Variants in ATP2A2 observed in about 807,000 individuals in gnomAD.
ATP2A2 encodes sarcoplasmic/endoplasmic reticulum calcium ATPase 2.
Under a neutral mutation model 109.3 loss-of-function variants are expected in ATP2A2, and 14 were observed. That is an observed-to-expected ratio of 0.13 (90% CI 0.08 to 0.20). ATP2A2 has a LOEUF of 0.20. ATP2A2 is among the 10% of genes least tolerant of loss of function. The pLI is 1.00. For missense variants in ATP2A2, 657 were observed against 1,321.6 expected (o/e 0.50, Z 7.80); for synonymous variants, 506 against 490.9 (o/e 1.03, Z -0.41).
At chr12:110,304,463 A>G (rs1374870321) in intron 5 of ATP2A2, among the ~76,000 whole-genome samples, 4 of 152,160 alleles carry the variant, frequency 2.6e-5, no homozygotes, top group Admixed American at 6.6e-5. Context: ...GTCATTGTCT[A>G]TCGTTTTAAA....
In ATP2A2 at chr12:110,322,993, T is replaced by C. The variant is rs749033142; in HGVS notation, c.465T>C (p.Val155=). Residue 155 remains valine, a splice_region_variant and synonymous_variant, in exon 6 of 20, where the codon GTT becomes GTC. Coordinates refer to ENST00000539276, the MANE Select transcript of ATP2A2 (RefSeq NM_170665.4). ...IVPGDIVEIA[V]GDKVPADIRL... ...CCGCCTTTTTTTTCTCCTAATTAGT[T>C]GGTGACAAAGTTCCTGCTGATATAA... The C allele has an allele frequency of 3.1e-6, 5 of 1,611,210 alleles. No homozygotes were observed. Among genetic ancestry groups the C allele is most frequent in the Non-Finnish European group, 4.2e-6 (5 of 1,177,356 alleles).
chr12:110,346,368 A>C lies in ATP2A2; in HGVS notation c.3027A>C (p.Ala1009=), dbSNP rs931625338. Residue 1009 remains alanine, a synonymous_variant, in exon 20 of 20, where the codon GCA becomes GCC. Coordinates refer to ENST00000539276, the MANE Select transcript of ATP2A2 (RefSeq NM_170665.4). ...QPATKSCSFS[A]CTDGISWPFV... ...CCACCAAATCCTGCTCGTTCTCGGC[A>C]TGCACCGATGGGATTTCCTGGCCGT... The C allele has an allele frequency of 1.2e-6, 2 of 1,614,098 alleles. No individual in the cohort carries two copies. Among genetic ancestry groups the C allele is most frequent in the Non-Finnish European group, 1.7e-6 (2 of 1,179,966 alleles).
At chr12:110,312,121 G>A (rs982913768) in intron 5 of ATP2A2, among the ~76,000 whole-genome samples, 1 of 152,188 alleles carries the variant, frequency 6.6e-6, no homozygotes, top group South Asian at 2.1e-4. Context: ...CAGGGCTGCA[G>A]TGAGCTCAGA....
chr12:110,326,511 C>G, intron 7 of ATP2A2, 36 bp downstream of exon 7: 2 of 1,542,066 alleles, frequency 1.3e-6, no homozygotes, highest in Non-Finnish European at 1.8e-6. Flanking sequence ...TATTTACAGA[C>G]ATTTCCAAAG....
chr12:110,323,128 C>CA, intron 6 of ATP2A2, 56 bp downstream of exon 6: 1 of 1,349,016 alleles, frequency 7.4e-7, no homozygotes, highest in Middle Eastern at 1.8e-4. Flanking sequence ...TATTCCATGC[C>CA]AATAGAGTTG....
chr12:110,300,108 T>TTCCC (rs1353310723), intron 5 of ATP2A2, among the ~76,000 whole-genome samples: 1 of 109,694 alleles, frequency 9.1e-6, no homozygotes, highest in Admixed American at 9.1e-5. Context: ...CCTTCCTTCC[T>TTCCC]CCCCCTTTCC....
Position 110,349,498 on chromosome 12 carries a change from G to GA in ATP2A2, c.*3029dup. On this transcript the variant is annotated 3_prime_UTR_variant, in exon 20 of 20. Transcript: ENST00000539276. ...GGACACCACTCTGCAGAATGCAGAT[G>GA]ATCCATTCTGGAGGAAGCTGTCCCT... 1.0e-6 allele frequency: 1 copy of GA among 985,758 alleles called. No homozygotes were observed. Among genetic ancestry groups the GA allele is most frequent in the Non-Finnish European group, 1.2e-6 (1 of 830,164 alleles). The allele number at this position is 985,758 out of a possible 1,614,324, so 61.1% of individuals were successfully genotyped here.
In ATP2A2 at chr12:110,281,855, G is replaced by A; in HGVS notation, c.66G>A (p.Thr22=). The A allele has an allele frequency of 6.4e-7, 1 of 1,574,162 alleles. No individual in the cohort carries two copies. The highest frequency in any genetic ancestry group is 8.6e-7 in the Non-Finnish European group (1 of 1,162,198). ...VLGHFGVNES[T]GLSLEQVKKL... ...GCCACTTCGGCGTCAACGAGAGTAC[G>A]GGGCTGAGCCTGGAACAGGTCAAGA... Residue 22 remains threonine, a synonymous_variant, in exon 1 of 20, where the codon ACG becomes ACA. Transcript: ENST00000539276.
chr12:110,313,668 T>G (rs996118358), intron 5 of ATP2A2, among the ~76,000 whole-genome samples: 3 of 151,294 alleles, frequency 2.0e-5, no homozygotes, highest in African/African-American at 7.3e-5. Flanking sequence ...TGGGCAGATT[T>G]AACTGTGACC....
chr12:110,336,072 C>T (rs1262422334), intron 11 of ATP2A2, among the ~76,000 whole-genome samples: 2 of 152,262 alleles, frequency 1.3e-5, no homozygotes, highest in Admixed American at 6.5e-5. Context: ...TGCCCACTGT[C>T]TCCTAGCTGT....
chr12:110,295,721 A>T (rs868233453), intron 4 of ATP2A2, among the ~76,000 whole-genome samples: 3 of 152,170 alleles, frequency 2.0e-5, no homozygotes, highest in Admixed American at 6.6e-5. Flanking sequence ...TGATTCTACA[A>T]CTTCCATTCT....
At chr12:110,290,541 C>T (rs1395348252) in intron 3 of ATP2A2, among the ~76,000 whole-genome samples, 1 of 152,172 alleles carries the variant, frequency 6.6e-6, no homozygotes. Flanking sequence ...TTTATTCCCT[C>T]TCCCCAGATT....
At position 110,347,035 on chromosome 12, in the gene ATP2A2, C is replaced by A; in HGVS notation, c.*565C>A. ...CCTCCGTTCACCCCACCCCACCCCA[C>A]CTCTCCCCACCTTACCCCCGCCCCG... On this transcript the variant is annotated 3_prime_UTR_variant, in exon 20 of 20. Coordinates refer to ENST00000539276, the MANE Select transcript of ATP2A2 (RefSeq NM_170665.4). The A allele has an allele frequency of 9.6e-7, 1 of 1,044,498 alleles. No individual in the cohort carries two copies. Among genetic ancestry groups the A allele is most frequent in the Non-Finnish European group, 1.2e-6 (1 of 865,360 alleles). 64.7% of individuals were successfully genotyped at this position (1,044,498 alleles called of 1,614,324 possible).
In ATP2A2 at chr12:110,323,217, C is replaced by G. The variant is rs193063025; in HGVS notation, c.544+145C>G. 101 of 730,510 alleles carry G rather than the reference C, an allele frequency of 1.4e-4. No individual in the cohort carries two copies. In the African/African-American group the frequency reaches 1.5e-3, roughly 11 times the overall value. The allele number at this position is 730,510 out of a possible 1,614,324, so 45.3% of individuals were successfully genotyped here. ...CTTATTTCTTAGTGCTTTAGTCTCG[C>G]TCCATTGCCCAGGCTGGAGTGCAGT... On this transcript the variant is annotated intron_variant, in intron 6 of 19. Coordinates refer to ENST00000539276, the MANE Select transcript of ATP2A2 (RefSeq NM_170665.4).
intron 3 of ATP2A2, among the ~76,000 whole-genome samples, chr12:110,291,139 C>T (rs1026465175): frequency 6.6e-6 from 1 of 151,722 alleles, no homozygotes; most frequent in Non-Finnish European, 1.5e-5. Flanking sequence ...AGCTCCAGAC[C>T]TCAGGTGATC....
chr12:110,337,608 A>AG (rs1190024954), intron 11 of ATP2A2, among the ~76,000 whole-genome samples: 1 of 152,216 alleles, frequency 6.6e-6, no homozygotes, highest in Non-Finnish European at 1.5e-5. Context: ...ATCAGCCTTC[A>AG]GTCCTCCCGT....
chr12:110,343,555 A>G (rs3026484), intron 16 of ATP2A2, 121 bp downstream of exon 16: 14,059 of 1,121,616 alleles, frequency 0.013, 120 homozygotes, highest in Non-Finnish European at 0.015. Flanking sequence ...AGCAAAAGAC[A>G]GAGATGCCCT....
chr12:110,325,167 C>A (rs1029006506), intron 6 of ATP2A2, among the ~76,000 whole-genome samples: 1 of 152,076 alleles, frequency 6.6e-6, no homozygotes, highest in African/African-American at 2.4e-5. Flanking sequence ...TAGAGGTTCT[C>A]GAATATTATC....
chr12:110,346,588 T>C lies in ATP2A2; in HGVS notation c.*118T>C, dbSNP rs1879887973. On this transcript the variant is annotated 3_prime_UTR_variant, in exon 20 of 20. Transcript: ENST00000539276. ...AACATACTGGCTGGTGATGGAGGTT[T>C]CATACTCTAGATTTTGTTTTGCTTT... 7.2e-6 allele frequency: 11 copies of C among 1,530,876 alleles called. No homozygotes were observed. The highest frequency in any genetic ancestry group is 9.6e-6 in the Non-Finnish European group (11 of 1,145,284). The allele number at this position is 1,530,876 out of a possible 1,614,324, so 94.8% of individuals were successfully genotyped here.
Sources: gnomAD v4.1 joint callset for allele counts (sites outside exome capture counted in the v4.1 genomes callset) on GRCh38, gnomAD v4.1.1 for gene constraint, MANE v1.5 for transcripts, NCBI Gene and HGNC (gene_info 2026-07-23, HGNC 2026-07-21) for gene names.